Variants in SLC24A2 observed in about 807,000 individuals in gnomAD.
SLC24A2 encodes sodium/potassium/calcium exchanger 2.
SLC24A2 carries 36 observed loss-of-function variants against 62.0 expected under a neutral mutation model. The observed-to-expected ratio is 0.58, with a 90% CI of 0.44 to 0.77. The LOEUF is 0.77. SLC24A2 is among the 30% of genes least tolerant of loss of function. The probability of loss-of-function intolerance (pLI) is 0.00; values close to 1 mark genes in which losing one functional copy is unlikely to be tolerated. For missense variants in SLC24A2, 846 were observed against 817.9 expected, an observed-to-expected ratio of 1.03 and a Z score of -0.42; for synonymous variants, 358 against 294.0, an observed-to-expected ratio of 1.22 and a Z score of -2.23.
rs1028345050 is a variant in SLC24A2, at chr9:19,710,432, C to G, written c.930+75505G>C. 3.3e-5 allele frequency among the ~76,000 whole-genome samples: 5 copies of G among 152,206 alleles called. No homozygotes were observed. In the East Asian group the frequency reaches 7.7e-4, roughly 24 times the overall value. ...AGGGGGGTGGTGGCGGTAAAGAAGT[C>G]TTCCTCACTGAAGTGACATCTACAT... On this transcript the variant is annotated intron_variant, in intron 2 of 10. Transcript: ENST00000341998.
chr9:19,984,985 C>T, the SLC24A2 span, among the ~76,000 whole-genome samples: 1 of 149,512 alleles, frequency 6.7e-6, no homozygotes, highest in African/African-American at 2.5e-5. Context: ...AATAAGACAT[C>T]AACATGGTGA....
the SLC24A2 span, among the ~76,000 whole-genome samples, chr9:20,305,301 T>C: frequency 1.3e-5 from 2 of 152,012 alleles, no homozygotes; most frequent in African/African-American, 4.8e-5. Flanking sequence ...AGAGATGAGG[T>C]TTCACCATGT....
the SLC24A2 span, among the ~76,000 whole-genome samples, chr9:20,101,664 C>T: frequency 1.7e-4 from 26 of 152,054 alleles, no homozygotes; most frequent in Non-Finnish European, 3.8e-4. Context: ...GGAATGGAGA[C>T]CTGACCTTTC....
the SLC24A2 span, among the ~76,000 whole-genome samples, chr9:20,272,868 G>A: frequency 2.0e-5 from 3 of 152,246 alleles, no homozygotes; most frequent in East Asian, 5.8e-4. Flanking sequence ...AGCACTAGGG[G>A]ATTCCCCAAG....
At chr9:19,758,543 AAAC>A (rs1822215584) in intron 2 of SLC24A2, among the ~76,000 whole-genome samples, 2 of 152,192 alleles carry the variant, frequency 1.3e-5, no homozygotes, top group African/African-American at 4.8e-5. Flanking sequence ...CAAACAAAAA[AAAC>A]CCCCTAAGAA....
chr9:20,111,171 C>T, the SLC24A2 span, among the ~76,000 whole-genome samples: 3 of 152,168 alleles, frequency 2.0e-5, no homozygotes, highest in Non-Finnish European at 4.4e-5. Context: ...TGCCCTACTG[C>T]ATTTGGTTCG....
At chr9:20,090,662 A>G in the SLC24A2 span, among the ~76,000 whole-genome samples, 1 of 152,048 alleles carries the variant, frequency 6.6e-6, no homozygotes, top group African/African-American at 2.4e-5. Flanking sequence ...CCCTGCACAA[A>G]TCCTTGGCCC....
At chr9:20,157,773 T>G in the SLC24A2 span, among the ~76,000 whole-genome samples, 1 of 151,422 alleles carries the variant, frequency 6.6e-6, no homozygotes, top group Non-Finnish European at 1.5e-5. Flanking sequence ...CTACAGAAAT[T>G]AGAGAAATAA....
intron 9 of SLC24A2, 152 bp downstream of exon 9, chr9:19,527,897 T>TG (rs1833514279): frequency 1.5e-6 from 1 of 683,516 alleles, no homozygotes; most frequent in African/African-American, 1.8e-5. Flanking sequence ...GAAAGTTAAG[T>TG]GGATAAATTC....
the SLC24A2 span, among the ~76,000 whole-genome samples, chr9:19,841,906 C>G: frequency 6.6e-6 from 1 of 152,152 alleles, no homozygotes; most frequent in South Asian, 2.1e-4. Context: ...TCTATGGTGG[C>G]AGGGATGGAG....
intron 8 of SLC24A2, among the ~76,000 whole-genome samples, chr9:19,545,213 T>C (rs887654456): frequency 6.6e-6 from 1 of 151,940 alleles, no homozygotes; most frequent in Admixed American, 6.6e-5. Flanking sequence ...TCTGCTTGAT[T>C]GATTCAGCTA....
At chr9:19,724,013 G>C (rs1417579704) in intron 2 of SLC24A2, among the ~76,000 whole-genome samples, 1 of 152,088 alleles carries the variant, frequency 6.6e-6, no homozygotes, top group African/African-American at 2.4e-5. Context: ...CCTAACTCAT[G>C]ATATAATCTG....
intron 2 of SLC24A2, among the ~76,000 whole-genome samples, chr9:19,759,010 TC>T (rs1458191759): frequency 1.3e-5 from 2 of 152,128 alleles, no homozygotes; most frequent in Non-Finnish European, 2.9e-5. Context: ...TGCACAGCAA[TC>T]AGTATGCAGC....
chr9:19,636,405 CTCTT>C lies in SLC24A2; in HGVS notation c.931-14110_931-14107del, dbSNP rs1257763742. Among the ~76,000 whole-genome samples, 3 of 77,382 alleles carry C rather than the reference CTCTT, an allele frequency of 3.9e-5. 1 individual carries two copies. Among genetic ancestry groups the C allele is most frequent in the Admixed American group, 1.7e-4 (1 of 6,024 alleles). 50.8% of individuals were successfully genotyped at this position (77,382 alleles called of 152,430 possible). ...TTTCTTTCTCCCTCTCTCTCTCTCTCTCTTTCTTTCTTTCCTCTTCTCTTCTCTT... is the reference window on the plus strand; with the variant it reads ...TTTCTTTCTCCCTCTCTCTCTCTCTCTCTTTCTTTCCTCTTCTCTTCTCTT... On this transcript the variant is annotated intron_variant, in intron 2 of 10. Coordinates refer to ENST00000341998, the MANE Select transcript of SLC24A2 (RefSeq NM_020344.4).
At chr9:19,927,489 G>A in the SLC24A2 span, 1 of 152,178 alleles carries the variant, frequency 6.6e-6, no homozygotes, top group East Asian at 1.9e-4. Flanking sequence ...TGATGAATTT[G>A]GGCCTAGAAT....
chr9:19,708,396 A>G (rs1476614443), intron 2 of SLC24A2, among the ~76,000 whole-genome samples: 2 of 152,154 alleles, frequency 1.3e-5, no homozygotes, highest in Non-Finnish European at 1.5e-5. Flanking sequence ...ACAGAATTGG[A>G]AAAAACTACT....
chr9:20,287,101 G>T, the SLC24A2 span, among the ~76,000 whole-genome samples: 3 of 152,300 alleles, frequency 2.0e-5, no homozygotes, highest in African/African-American at 7.2e-5. Flanking sequence ...GCAGTGAGCT[G>T]CATTCCGGGA....
chr9:19,895,704 G>C, the SLC24A2 span: 13 of 1,085,556 alleles, frequency 1.2e-5, no homozygotes, highest in Non-Finnish European at 1.7e-5. Context: ...TCATTGGGTG[G>C]CTCTAGCCTG....
chr9:20,130,796 A>C, the SLC24A2 span, among the ~76,000 whole-genome samples: 3 of 152,194 alleles, frequency 2.0e-5, no homozygotes, highest in Non-Finnish European at 2.9e-5. Context: ...GTTAGATTGC[A>C]GATGCAAGGC....
Sources: allele counts gnomAD v4.1 joint callset (sites outside exome capture counted in the v4.1 genomes callset), GRCh38; gene constraint gnomAD v4.1.1; transcripts MANE v1.5; gene names NCBI Gene and HGNC (gene_info 2026-07-23, HGNC 2026-07-21).